CDH2: variants seen among roughly 807,000 people sequenced by gnomAD.
The protein encoded by CDH2 is cadherin 2.
Under a neutral mutation model 92.0 loss-of-function variants are expected in CDH2, and 17 were observed. The ratio of observed to expected loss-of-function variants is 0.18; its 90% CI spans 0.13 to 0.28. The LOEUF is 0.28. Ranked by LOEUF, CDH2 falls within the 10% of genes least tolerant of loss-of-function variation. The probability of loss-of-function intolerance (pLI) is 1.00; values close to 1 mark genes in which losing one functional copy is unlikely to be tolerated. For synonymous variants in CDH2, 419 were observed against 415.9 expected (o/e 1.01, Z -0.09); for missense variants, 862 against 1,133.1 (o/e 0.76, Z 3.44).
chr18:28,056,890 G>T (rs1432530455), intron 2 of CDH2, among the ~76,000 whole-genome samples: 2 of 152,164 alleles, frequency 1.3e-5, no homozygotes, highest in African/African-American at 2.4e-5. Flanking sequence ...AATTATATTT[G>T]CATGGATATG....
chr18:28,013,469 T>G (rs2013153641), intron 3 of CDH2, among the ~76,000 whole-genome samples: 2 of 152,212 alleles, frequency 1.3e-5, no homozygotes, highest in South Asian at 4.1e-4. Context: ...TATAAACAAA[T>G]CTTTAAAATA....
At chr18:28,166,023 G>T (rs2016373159) in intron 1 of CDH2, among the ~76,000 whole-genome samples, 1 of 151,142 alleles carries the variant, frequency 6.6e-6, no homozygotes, top group Middle Eastern at 3.2e-3. Context: ...ATATGTATAT[G>T]TGAAAACACA....
In CDH2 at chr18:28,177,110, A is replaced by T; in HGVS notation, c.-88T>A. On this transcript the variant is annotated 5_prime_UTR_variant, in exon 1 of 16. It adds an upstream start codon to the 5' untranslated region. Transcript: ENST00000269141. The stretch of plus-strand genomic sequence containing the variant: ...GGAGGAGGAGGCAGCGGCAGCACCA[A>T]CAGCGGCGCGGAGAAACGGCTCCAG... 1 of 973,638 alleles carries T rather than the reference A, an allele frequency of 1.0e-6. No homozygotes were observed. 60.3% of individuals were successfully genotyped at this position (973,638 alleles called of 1,614,324 possible). A position where few individuals can be genotyped will look rare whatever the true frequency, so the allele number is the denominator to read the frequency against.
chr18:28,140,432 C>T (rs1230670396), intron 2 of CDH2, among the ~76,000 whole-genome samples: 2 of 152,046 alleles, frequency 1.3e-5, no homozygotes, highest in Middle Eastern at 3.4e-3. Flanking sequence ...TCCTCATCAA[C>T]AATGTGATAG....
chr18:28,081,982 T>C (rs2014839812), intron 2 of CDH2, among the ~76,000 whole-genome samples: 2 of 152,176 alleles, frequency 1.3e-5, no homozygotes, highest in African/African-American at 4.8e-5. Context: ...CAGTGTCAGC[T>C]CTTCAAGTCA....
At chr18:28,060,189 CATT>C (rs1377455952) in intron 2 of CDH2, among the ~76,000 whole-genome samples, 3 of 151,684 alleles carry the variant, frequency 2.0e-5, no homozygotes, top group Non-Finnish European at 4.4e-5. Context: ...TTATCATCAT[CATT>C]ATTATTATTT....
intron 15 of CDH2, 150 bp downstream of exon 15, chr18:27,963,207 A>T (rs956963723): frequency 8.6e-6 from 5 of 582,478 alleles, no homozygotes; most frequent in Non-Finnish European, 1.2e-5. Context: ...TAATGAAGCC[A>T]CATTTGCTTT....
chr18:28,053,474 G>C (rs1002917583), intron 2 of CDH2, among the ~76,000 whole-genome samples: 38 of 152,212 alleles, frequency 2.5e-4, no homozygotes, highest in African/African-American at 8.4e-4. Flanking sequence ...AACCAAGATG[G>C]GGTTATTCAT....
At chr18:28,084,527 C>T (rs1341933443) in intron 2 of CDH2, among the ~76,000 whole-genome samples, 1 of 151,726 alleles carries the variant, frequency 6.6e-6, no homozygotes, top group Non-Finnish European at 1.5e-5. Flanking sequence ...AATTTTAACA[C>T]TGTTTCAAAG....
At chr18:27,998,017 A>G (rs764410849) in intron 7 of CDH2, among the ~76,000 whole-genome samples, 2 of 152,068 alleles carry the variant, frequency 1.3e-5, no homozygotes, top group Non-Finnish European at 2.9e-5. Context: ...CGTGTTAGCC[A>G]GGATGGTCTC....
chr18:27,946,935 C>A (rs367551212), downstream of CDH2, among the ~76,000 whole-genome samples: 15 of 151,796 alleles, frequency 9.9e-5, no homozygotes, highest in East Asian at 2.5e-3. Context: ...CATGTACATA[C>A]AAAATTTCAA....
At chr18:28,152,595 T>C (rs1024905264) in intron 1 of CDH2, among the ~76,000 whole-genome samples, 1 of 152,114 alleles carries the variant, frequency 6.6e-6, no homozygotes, top group Non-Finnish European at 1.5e-5. Flanking sequence ...ATGAGTTCAG[T>C]GTCGCCGGAG....
At chr18:28,087,875 A>G (rs2014964115) in intron 2 of CDH2, among the ~76,000 whole-genome samples, 2 of 152,196 alleles carry the variant, frequency 1.3e-5, no homozygotes, top group South Asian at 4.1e-4. Context: ...GGACCAAGAA[A>G]TTATAGCTGT....
intron 2 of CDH2, among the ~76,000 whole-genome samples, chr18:28,136,634 T>C (rs2015866873): frequency 6.6e-6 from 1 of 152,138 alleles, no homozygotes; most frequent in South Asian, 2.1e-4. Context: ...AGACATAAAG[T>C]AGACTTCTAT....
At chr18:28,032,746 C>T (rs1286282977) in intron 2 of CDH2, among the ~76,000 whole-genome samples, 2 of 152,028 alleles carry the variant, frequency 1.3e-5, no homozygotes, top group African/African-American at 2.4e-5. Context: ...TTCCTGGTCA[C>T]ATTGAAAGTG....
intron 15 of CDH2, among the ~76,000 whole-genome samples, chr18:27,955,825 C>T (rs2011234401): frequency 7.4e-6 from 1 of 135,392 alleles, no homozygotes; most frequent in African/African-American, 2.8e-5. Flanking sequence ...GACCACTGTG[C>T]TATGCTAGAG....
Position 28,164,487 on chromosome 18 carries a change from A to T in CDH2, c.60+12476T>A, listed in dbSNP as rs376367575. Reference sequence around the variant, plus strand: ...TGCATCTAATCGTCAATAAACCATCAGCACCTATGAGAACAATGAATCCAC... The same window carrying T: ...TGCATCTAATCGTCAATAAACCATCTGCACCTATGAGAACAATGAATCCAC... On this transcript the variant is annotated intron_variant, in intron 1 of 15. Coordinates refer to ENST00000269141, the MANE Select transcript of CDH2 (RefSeq NM_001792.5). Among the ~76,000 whole-genome samples, 3 of 152,230 alleles carry T rather than the reference A, an allele frequency of 2.0e-5. No homozygotes were observed. The South Asian group carries it at 6.2e-4, about 32-fold the overall frequency.
intron 7 of CDH2, among the ~76,000 whole-genome samples, chr18:28,000,473 T>C (rs1184713051): frequency 2.0e-5 from 3 of 152,172 alleles, no homozygotes. Flanking sequence ...ATTATCCCCA[T>C]TTATGGATGC....
intron 2 of CDH2, among the ~76,000 whole-genome samples, chr18:28,114,707 ATACTT>A (rs2015467077): frequency 6.6e-6 from 1 of 152,110 alleles, no homozygotes; most frequent in Non-Finnish European, 1.5e-5. Context: ...TGTCAGTAAA[ATACTT>A]AAGTTACTAA....
Sources: gnomAD v4.1 joint callset for allele counts (sites outside exome capture counted in the v4.1 genomes callset) on GRCh38, gnomAD v4.1.1 for gene constraint, MANE v1.5 for transcripts, NCBI Gene and HGNC (gene_info 2026-07-23, HGNC 2026-07-21) for gene names.